INTS6: variants seen among roughly 807,000 people sequenced by gnomAD.
INTS6 encodes the protein integrator complex subunit 6.
A neutral mutation model predicts 104.9 loss-of-function variants in INTS6; 16 were observed. The ratio of observed to expected loss-of-function variants is 0.15; its 90% confidence interval spans 0.10 to 0.23. The LOEUF (loss-of-function observed/expected upper bound fraction) is 0.23. INTS6 is among the 10% of genes least tolerant of loss of function. INTS6 has a pLI of 1.00. For missense variants in INTS6, 584 were observed against 1,062.8 expected (o/e 0.55, Z 6.26); for synonymous variants, 324 against 358.7 (o/e 0.90, Z 1.09).
chr13:51,358,118 C>T (rs901694537), downstream of INTS6, among the ~76,000 whole-genome samples: 1 of 152,054 alleles, frequency 6.6e-6, no homozygotes, highest in African/African-American at 2.4e-5. Flanking sequence ...TCAGATTCTT[C>T]TTAGCACTCT....
chr13:51,407,472 A>T (rs191747746), intron 4 of INTS6, among the ~76,000 whole-genome samples: 1 of 152,220 alleles, frequency 6.6e-6, no homozygotes, highest in Non-Finnish European at 1.5e-5. Context: ...AAGCTAACAC[A>T]ATCATTTAAA....
intron 4 of INTS6, among the ~76,000 whole-genome samples, chr13:51,427,002 T>C (rs537458196): frequency 6.6e-6 from 1 of 152,246 alleles, no homozygotes; most frequent in Non-Finnish European, 1.5e-5. Flanking sequence ...TTGTAAAATA[T>C]AAGACTAAAT....
intron 3 of INTS6, chr13:51,447,306 C>G (rs1952937711): frequency 1.3e-5 from 2 of 152,148 alleles, no homozygotes; most frequent in South Asian, 4.2e-4. Context: ...GTATTTCACA[C>G]TACCTATTAA....
At chr13:51,336,550 C>T in the INTS6 span, among the ~76,000 whole-genome samples, 2 of 152,200 alleles carry the variant, frequency 1.3e-5, no homozygotes, top group South Asian at 4.2e-4. Context: ...ATTCATAGTC[C>T]AGCCGGTTAC....
intron 3 of INTS6, among the ~76,000 whole-genome samples, chr13:51,354,697 C>T (rs970997902): frequency 2.6e-5 from 4 of 151,952 alleles, no homozygotes; most frequent in Admixed American, 1.3e-4. Flanking sequence ...TTCTATATAT[C>T]GTAAGAGCAG....
chr13:51,387,181 C>T (rs1334990752), intron 7 of INTS6, among the ~76,000 whole-genome samples: 1 of 152,128 alleles, frequency 6.6e-6, no homozygotes, highest in Non-Finnish European at 1.5e-5. Flanking sequence ...GAAGGAGATG[C>T]CTTTTTTCTA....
At chr13:51,366,206 C>G (rs142655061) in intron 17 of INTS6, among the ~76,000 whole-genome samples, 192 of 152,058 alleles carry the variant, frequency 1.3e-3, no homozygotes, top group African/African-American at 4.5e-3. Flanking sequence ...GCAAATACTT[C>G]AATAGCTTCT....
downstream of INTS6, among the ~76,000 whole-genome samples, chr13:51,353,771 T>C (rs1399102212): frequency 6.6e-6 from 1 of 152,222 alleles, no homozygotes; most frequent in Non-Finnish European, 1.5e-5. Flanking sequence ...CTGTCTTGTA[T>C]AGCAATGAAG....
At chr13:51,449,457 A>G in intron 3 of INTS6, 1 of 984,778 alleles carries the variant, frequency 1.0e-6, no homozygotes, top group Non-Finnish European at 1.2e-6. Flanking sequence ...CCTCTCCATG[A>G]CAAGCAGTTT....
the INTS6 span, among the ~76,000 whole-genome samples, chr13:51,336,936 G>A: frequency 2.6e-5 from 4 of 152,238 alleles, no homozygotes; most frequent in Non-Finnish European, 4.4e-5. Flanking sequence ...GCTATCAGCC[G>A]GGACAGCAGG....
chr13:51,379,388 C>T, intron 11 of INTS6, 74 bp downstream of exon 11: 1 of 696,528 alleles, frequency 1.4e-6, no homozygotes, highest in Admixed American at 2.6e-5. Flanking sequence ...CAAGAACTAG[C>T]TTTTAACCTG....
rs1252319612 is a variant in INTS6, at chr13:51,452,220, C to G, written c.112-165G>C. 7.7e-6 allele frequency: 5 copies of G among 653,386 alleles called. No individual in the cohort carries two copies. In the East Asian group the frequency reaches 1.9e-4, roughly 25 times the overall value. The allele number at this position is 653,386 out of a possible 1,614,324, so 40.5% of individuals were successfully genotyped here. ...CACACAGATCGCTCCCCACACACCG[C>G]CCGGGGCCGGAGCCCGGGCCCCGGC... On this transcript the variant is annotated intron_variant, in intron 1 of 17. Transcript: ENST00000311234. The surrounding 1 kb of genome is among the most constrained non-coding windows in gnomAD (Gnocchi z 4.2).
At chr13:51,434,188 T>C (rs1327188596) in intron 3 of INTS6, among the ~76,000 whole-genome samples, 1 of 152,230 alleles carries the variant, frequency 6.6e-6, no homozygotes, top group Non-Finnish European at 1.5e-5. Flanking sequence ...ATAGTAAAAC[T>C]ATTCCTTTAC....
Position 51,395,288 on chromosome 13 carries a change from CA to C in INTS6, c.613+11del. 1 of 1,580,536 alleles carries C rather than the reference CA, an allele frequency of 6.3e-7. No homozygotes were observed. On this transcript the variant is annotated intron_variant, in intron 5 of 17. Transcript: ENST00000311234. ...CTTTAAGTTACCAAATTACTGCCAG[CA>C]AAAAACTTACCGCCTGTCACTTCAC...
At chr13:51,404,804 T>G (rs766037997) in intron 4 of INTS6, among the ~76,000 whole-genome samples, 5 of 152,114 alleles carry the variant, frequency 3.3e-5, no homozygotes, top group Non-Finnish European at 7.4e-5. Context: ...ATCAAAGAAA[T>G]AATTAGGTCA....
At chr13:51,353,621 G>C (rs181338543), downstream of INTS6, among the ~76,000 whole-genome samples, 2 of 152,116 alleles carry the variant, frequency 1.3e-5, no homozygotes, top group Non-Finnish European at 2.9e-5. Flanking sequence ...AGAAAATTTC[G>C]TAAGAGATAG....
In INTS6 at chr13:51,426,524, C is replaced by T. The variant is rs1043379421; in HGVS notation, c.429+3770G>A. 7.2e-4 allele frequency among the ~76,000 whole-genome samples: 109 copies of T among 151,994 alleles called. 4 individuals are homozygous for T. On this transcript the variant is annotated intron_variant, in intron 4 of 17. Transcript: ENST00000311234. ...TGCACATTATACAAGATTTGACACA[C>T]GAAAGGTAATATTAACCCTTCCCCT... is the stretch of plus-strand genomic sequence containing the variant.
intron 7 of INTS6, chr13:51,385,044 T>C (rs1042936841): frequency 6.1e-6 from 1 of 162,728 alleles, no homozygotes; most frequent in Non-Finnish European, 1.3e-5. Flanking sequence ...ATATCACATA[T>C]AAAGATCTTC....
At chr13:51,379,657 CA>C in intron 10 of INTS6, 85 bp from the exon 11 acceptor site, 1 of 637,982 alleles carries the variant, frequency 1.6e-6, no homozygotes, top group Non-Finnish European at 2.5e-6. Context: ...AAATTTTCTC[CA>C]AAAAATTATT....
Sources: allele counts gnomAD v4.1 joint callset (sites outside exome capture counted in the v4.1 genomes callset), GRCh38; gene constraint gnomAD v4.1.1; non-coding constraint Gnocchi (gnomAD v3.1); transcripts MANE v1.5; gene names NCBI Gene and HGNC (gene_info 2026-07-23, HGNC 2026-07-21).